DHRS2: variants seen among roughly 807,000 people sequenced by gnomAD.
The protein encoded by DHRS2 is dehydrogenase/reductase 2.
DHRS2 carries 29 observed loss-of-function variants against 26.3 expected under a neutral mutation model. The ratio of observed to expected loss-of-function variants is 1.10; its 90% confidence interval spans 0.82 to 1.50. The LOEUF (loss-of-function observed/expected upper bound fraction) is 1.50. DHRS2 is among the 40% of genes most tolerant of loss of function. DHRS2 has a pLI of 0.00. For missense variants in DHRS2, 439 were observed against 367.1 expected (o/e 1.20, Z -1.60); for synonymous variants, 164 against 151.3 (o/e 1.08, Z -0.62).
chr14:23,640,066 T>C (rs1890575148), intron 4 of DHRS2, 171 bp downstream of exon 4: 2 of 701,454 alleles, frequency 2.9e-6, no homozygotes, highest in South Asian at 1.0e-4. Context: ...GCCCGGATGC[T>C]ACTTTCTGGC....
At chr14:23,639,688 T>G in intron 3 of DHRS2, 106 bp from the exon 4 acceptor site, 2 of 1,259,968 alleles carry the variant, frequency 1.6e-6, no homozygotes, top group South Asian at 1.8e-5. Flanking sequence ...TCATTTTCCT[T>G]TAGGAGCTCT....
chr14:23,644,987 T>C (rs1890818981), intron 8 of DHRS2, 105 bp downstream of exon 8: 2 of 1,566,640 alleles, frequency 1.3e-6, no homozygotes, highest in Admixed American at 3.3e-5. Context: ...TTGTTTTTGC[T>C]GAAATCTGGA....
intron 3 of DHRS2, 128 bp from the exon 4 acceptor site, chr14:23,639,666 G>T: frequency 1.9e-6 from 2 of 1,078,360 alleles, no homozygotes; most frequent in Non-Finnish European, 1.3e-6. Flanking sequence ...GCCTGCCCTT[G>T]GGACACCTAG....
In DHRS2 at chr14:23,639,817, C is replaced by T. The variant is rs757359047; in HGVS notation, c.342C>T (p.Val114=). The change falls in exon 4 of 9, where the codon GTC becomes GTT. Residue 114 remains valine, a synonymous_variant. Coordinates refer to ENST00000250383, the MANE Select transcript of DHRS2 (RefSeq NM_005794.4). ...AGGCCCTGGAGCACTGTGGGGGCGTCGACTTCCTGGTGTGCAGCGCAGGGG... is the reference window on the plus strand; with the variant it reads ...AGGCCCTGGAGCACTGTGGGGGCGTTGACTTCCTGGTGTGCAGCGCAGGGG... ...VAKALEHCGG[V]DFLVCSAGVN... is the part of the protein sequence containing the mutation. 5.0e-6 allele frequency: 8 copies of T among 1,609,538 alleles called. No homozygotes were observed. The highest frequency in any genetic ancestry group is 2.2e-5 in the East Asian group (1 of 44,484).
chr14:23,643,431 C>CAT (rs1042423764), intron 5 of DHRS2: 12 of 561,554 alleles, frequency 2.1e-5, no homozygotes, highest in African/African-American at 1.9e-4. Flanking sequence ...GGGGCCCAGG[C>CAT]ATAGCCTCCT....
Position 23,636,726 on chromosome 14 carries a change from T to C in DHRS2, c.-85T>C, listed in dbSNP as rs77366215. The C allele has an allele frequency of 6.6e-6, 1 of 151,054 alleles. No individual in the cohort carries two copies. The allele number at this position is 151,054 out of a possible 1,614,324, so 9.4% of individuals were successfully genotyped here. ...GCCAAGCAGTGAGACTATTGCCAAG[T>C]GGTGAGACCATCACCAAGCGGTGAG... is the stretch of plus-strand genomic sequence containing the variant. On this transcript the variant is annotated 5_prime_UTR_variant, in exon 1 of 9. Transcript: ENST00000250383.
chr14:23,644,340 G>A, intron 6 of DHRS2, 69 bp from the exon 7 acceptor site: 1 of 1,602,444 alleles, frequency 6.2e-7, no homozygotes, highest in Admixed American at 1.7e-5. Flanking sequence ...ATCCCTGTAG[G>A]TGAGAAATCC....
intron 1 of DHRS2, among the ~76,000 whole-genome samples, chr14:23,637,334 A>C (rs1890365539): frequency 6.6e-6 from 1 of 152,224 alleles, no homozygotes; most frequent in Non-Finnish European, 1.5e-5. Context: ...CCAATCAGAA[A>C]GACATAATTT....
chr14:23,632,329 C>A (rs1890144558), upstream of DHRS2, among the ~76,000 whole-genome samples: 1 of 152,150 alleles, frequency 6.6e-6, no homozygotes, highest in Non-Finnish European at 1.5e-5. Context: ...AACCCCTTGT[C>A]TCCACGTAAT....
Position 23,644,127 on chromosome 14 carries a change from C to T in DHRS2, c.505C>T (p.Leu169=), listed in dbSNP as rs1195153551. 6.2e-7 allele frequency: 1 copy of T among 1,614,160 alleles called. No homozygotes were observed. The highest frequency in any genetic ancestry group is 8.5e-7 in the Non-Finnish European group (1 of 1,179,998). The change falls in exon 6 of 9, where the codon CTG becomes TTG. Residue 169 remains leucine (L), a synonymous_variant. Transcript: ENST00000250383. ...TTGTCTCAGGAGGGGTGCTGTCATC[C>T]TGGTCTCTTCCATTGCAGCTTATAA... ...YMENRRGAVI[L]VSSIAAYNPV...
rs774405927 is a variant in DHRS2 at position 23,639,256 on chromosome 14, TGGACCGGGCCATGGCCAAGCTGCAGGG to T, written c.222_248del (p.Asp74_Gly82del). On this transcript the variant is annotated inframe_deletion, in exon 3 of 9. Transcript: ENST00000250383. The stretch of plus-strand genomic sequence containing the variant: ...ATCAGCAGCCGGAAGCAGCAGAACG[TGGACCGGGCCATGGCCAAGCTGCAGGG>T]GGAGGGGCTGAGTGTGGCGGGCATT... The T allele has an allele frequency of 4.3e-6, 7 of 1,613,402 alleles. No homozygotes were observed. In the Admixed American group the frequency reaches 1.2e-4, roughly 27 times the overall value.
In DHRS2 at chr14:23,638,808, A is replaced by G. The variant is rs1481025677; in HGVS notation, c.-38-19A>G. ...TCACTGAGGCATCAGTGATAAGTGA[A>G]ATTGATTCTTTCCCCCAGGCCTGAT... On this transcript the variant is annotated intron_variant, in intron 1 of 8. Coordinates refer to ENST00000250383, the MANE Select transcript of DHRS2 (RefSeq NM_005794.4). The G allele has an allele frequency of 3.8e-6, 6 of 1,584,258 alleles. No homozygotes were observed. The African/African-American group carries it at 8.1e-5, about 21-fold the overall frequency.
At chr14:23,644,756 G>T (rs1469004943) in intron 7 of DHRS2, 71 bp from the exon 8 acceptor site, 27 of 1,565,374 alleles carry the variant, frequency 1.7e-5, no homozygotes, top group Non-Finnish European at 2.3e-5. Flanking sequence ...TGTTCTGCCT[G>T]GTGGCCTTCC....
intron 4 of DHRS2, chr14:23,642,206 T>A (rs965708642): frequency 9.9e-7 from 1 of 1,005,878 alleles, no homozygotes; most frequent in African/African-American, 1.7e-5. Context: ...AAGTCTGCGA[T>A]AAGCTGGTGT....
At chr14:23,632,125 G>C (rs1466746573), upstream of DHRS2, among the ~76,000 whole-genome samples, 2 of 152,190 alleles carry the variant, frequency 1.3e-5, no homozygotes, top group South Asian at 2.1e-4. Flanking sequence ...TTCCAGCAGG[G>C]GGCGTCCTGT....
intron 1 of DHRS2, among the ~76,000 whole-genome samples, chr14:23,636,975 C>T (rs1314697769): frequency 6.6e-6 from 1 of 152,170 alleles, no homozygotes; most frequent in Non-Finnish European, 1.5e-5. Flanking sequence ...TTGCCTGGAA[C>T]CAGCTTCCGC....
chr14:23,643,666 G>A (rs1219420603), intron 5 of DHRS2: 2 of 277,368 alleles, frequency 7.2e-6, no homozygotes, highest in Non-Finnish European at 1.4e-5. Context: ...AGATCTGACT[G>A]TACCCCTCAC....
intron 4 of DHRS2, 151 bp from the exon 5 acceptor site, chr14:23,643,001 T>G: frequency 2.7e-6 from 2 of 741,824 alleles, no homozygotes; most frequent in Non-Finnish European, 4.6e-6. Flanking sequence ...TGGAAATACC[T>G]CTTGCACCAG....
intron 5 of DHRS2, 84 bp downstream of exon 5, chr14:23,643,303 T>G: frequency 7.8e-7 from 1 of 1,279,172 alleles, no homozygotes. Flanking sequence ...CAGCCAGTAG[T>G]GGGTAGAGGA....
Sources: gnomAD v4.1 joint callset for allele counts (sites outside exome capture counted in the v4.1 genomes callset) on GRCh38, gnomAD v4.1.1 for gene constraint, MANE v1.5 for transcripts, NCBI Gene and HGNC (gene_info 2026-07-23, HGNC 2026-07-21) for gene names.